Variants in HEXB observed in about 807,000 individuals in gnomAD.
HEXB encodes the protein hexosaminidase subunit beta.
Under a neutral mutation model 71.2 loss-of-function variants are expected in HEXB, and 51 were observed. The observed-to-expected ratio is 0.72, with a 90% CI of 0.57 to 0.90. The LOEUF (loss-of-function observed/expected upper bound fraction) is 0.90. Among genes scored for constraint, HEXB ranks in the 40% least tolerant of loss-of-function variants. The pLI is 0.00. For missense variants in HEXB, 617 were observed against 677.0 expected, an observed-to-expected ratio of 0.91 and a Z score of 0.98; for synonymous variants, 266 against 249.3, an observed-to-expected ratio of 1.07 and a Z score of -0.63.
upstream of HEXB, among the ~76,000 whole-genome samples, chr5:74,682,737 A>T (rs1039833892): frequency 1.3e-5 from 2 of 152,224 alleles, no homozygotes; most frequent in African/African-American, 4.8e-5. Context: ...TGTCTTAATT[A>T]TAAGAATAGG....
intron 1 of HEXB, among the ~76,000 whole-genome samples, chr5:74,661,752 T>C (rs985624366): frequency 6.6e-6 from 1 of 152,182 alleles, no homozygotes; most frequent in African/African-American, 2.4e-5. Flanking sequence ...ATACGTAAAA[T>C]TCCAAACCTA....
chr5:74,720,149 G>C lies in HEXB; in HGVS notation c.1418-279G>C, dbSNP rs189753557. On this transcript the variant is annotated intron_variant, in intron 11 of 13. Transcript: ENST00000261416. Reference sequence around the variant, plus strand: ...GTTTGCATAAAACCAAAATAAAACTGTTTAATACTGGCCCACTACATTAAT... The same window carrying C: ...GTTTGCATAAAACCAAAATAAAACTCTTTAATACTGGCCCACTACATTAAT... 8.2e-4 allele frequency: 366 copies of C among 447,184 alleles called. 1 individual carries two copies. Among genetic ancestry groups the C allele is most frequent in the African/African-American group, 6.6e-3 (332 of 50,344 alleles). The allele number at this position is 447,184 out of a possible 1,614,324, so 27.7% of individuals were successfully genotyped here. A position where few individuals can be genotyped will look rare whatever the true frequency, so the allele number is the denominator to read the frequency against.
chr5:74,659,615 C>G (rs1396246843), intron 1 of HEXB, among the ~76,000 whole-genome samples: 3 of 152,008 alleles, frequency 2.0e-5, no homozygotes, highest in Non-Finnish European at 4.4e-5. Flanking sequence ...TGGGGTGGGC[C>G]TCCAATAGAA....
At chr5:74,715,268 G>A (rs1749642149) in intron 7 of HEXB, among the ~76,000 whole-genome samples, 1 of 152,166 alleles carries the variant, frequency 6.6e-6, no homozygotes, top group Non-Finnish European at 1.5e-5. Flanking sequence ...CTGAAGATTT[G>A]GGAGTTACTA....
chr5:74,701,204 G>A (rs1749253049), intron 5 of HEXB, among the ~76,000 whole-genome samples: 1 of 152,002 alleles, frequency 6.6e-6, no homozygotes, highest in Non-Finnish European at 1.5e-5. Context: ...TAAAGGAGTA[G>A]TATATTTCAA....
chr5:74,674,988 GA>G (rs368044868), intron 1 of HEXB, among the ~76,000 whole-genome samples: 61 of 152,200 alleles, frequency 4.0e-4, no homozygotes, highest in African/African-American at 1.3e-3. Flanking sequence ...TTGTGGTAAA[GA>G]AAAAATTATT....
intron 8 of HEXB, 23 bp downstream of exon 8, chr5:74,715,713 CTT>C: frequency 6.9e-7 from 1 of 1,449,694 alleles, no homozygotes; most frequent in Non-Finnish European, 9.5e-7. Context: ...CTTAAAACCC[CTT>C]TAAAAAAAAA....
Position 74,685,235 on chromosome 5 carries a change from A to G in HEXB, c.-26A>G. The G allele has an allele frequency of 6.7e-7, 1 of 1,487,840 alleles. No homozygotes were observed. Among genetic ancestry groups the G allele is most frequent in the Non-Finnish European group, 8.9e-7 (1 of 1,126,512 alleles). 92.2% of individuals were successfully genotyped at this position (1,487,840 alleles called of 1,614,324 possible). On this transcript the variant is annotated 5_prime_UTR_variant, in exon 1 of 14. Coordinates refer to ENST00000261416, the MANE Select transcript of HEXB (RefSeq NM_000521.4). Reference sequence around the variant, plus strand: ...GGGTCCCGAGGCTCCGGCTCGGCAGACCGGGCGGAAAGCAGCCGAGCGGCC... The same window carrying G: ...GGGTCCCGAGGCTCCGGCTCGGCAGGCCGGGCGGAAAGCAGCCGAGCGGCC...
At chr5:74,720,970 T>C (rs1007327389) in intron 13 of HEXB, 148 bp from the exon 14 acceptor site, 2 of 832,178 alleles carry the variant, frequency 2.4e-6, no homozygotes, top group African/African-American at 3.4e-5. Flanking sequence ...TTGAGTTGCT[T>C]TAATTTTCTT....
chr5:74,648,023 G>C lies in HEXB; in HGVS notation c.-377+7465G>C, dbSNP rs547914247. 4.6e-5 allele frequency among the ~76,000 whole-genome samples: 7 copies of C among 152,300 alleles called. No individual in the cohort carries two copies. The South Asian group carries it at 1.0e-3, about 23-fold the overall frequency. On this transcript the variant is annotated intron_variant, in intron 1 of 13. Coordinates refer to the HEXB transcript ENST00000511181. ...GAAAGACAGAGGTGGTCTAATGGAG[G>C]CCAAGAGAACCCATGTTTAGGCTGA... is the stretch of plus-strand genomic sequence containing the variant.
intron 1 of HEXB, among the ~76,000 whole-genome samples, chr5:74,657,345 A>G (rs2112083654): frequency 6.6e-6 from 1 of 152,150 alleles, no homozygotes; most frequent in South Asian, 2.1e-4. Context: ...TCTGCCTGGA[A>G]CTTTTACCAT....
intron 1 of HEXB, among the ~76,000 whole-genome samples, chr5:74,650,995 G>C (rs189527854): frequency 6.6e-6 from 1 of 151,406 alleles, no homozygotes; most frequent in South Asian, 2.1e-4. Context: ...AGAAGAAATG[G>C]CTTCATCTCT....
intron 5 of HEXB, 31 bp downstream of exon 5, chr5:74,697,137 C>T: frequency 9.8e-7 from 1 of 1,017,700 alleles, no homozygotes. Flanking sequence ...AATCTGTTGT[C>T]TATTCTGAAG....
rs1216541034 is a variant in HEXB at position 74,652,131 on chromosome 5, A to T, written c.-377+11573A>T. On this transcript the variant is annotated intron_variant, in intron 1 of 13. Transcript: ENST00000511181. This position sits in a 1 kb window ranked among gnomAD's most constrained non-coding sequence, Gnocchi z 5.4. Reference sequence around the variant, plus strand: ...AAATGATGAACTCTTTTACGTGAGTAGGTAATACATATGCATGGATCAACC... The same window carrying T: ...AAATGATGAACTCTTTTACGTGAGTTGGTAATACATATGCATGGATCAACC... 6.6e-6 allele frequency among the ~76,000 whole-genome samples: 1 copy of T among 152,226 alleles called. No individual in the cohort carries two copies. The highest frequency in any genetic ancestry group is 2.4e-5 in the African/African-American group (1 of 41,464).
intron 1 of HEXB, among the ~76,000 whole-genome samples, chr5:74,657,738 G>A (rs979893652): frequency 6.6e-6 from 1 of 152,204 alleles, no homozygotes; most frequent in African/African-American, 2.4e-5. Flanking sequence ...TGTTATTTGT[G>A]TAGTCACATG....
intron 1 of HEXB, among the ~76,000 whole-genome samples, chr5:74,660,162 C>T (rs1399185964): frequency 6.6e-6 from 1 of 152,220 alleles, no homozygotes; most frequent in Non-Finnish European, 1.5e-5. Context: ...GCTGGGCTCA[C>T]TCATCTCATG....
At chr5:74,702,019 T>C (rs1749272186) in intron 5 of HEXB, among the ~76,000 whole-genome samples, 1 of 151,744 alleles carries the variant, frequency 6.6e-6, no homozygotes, top group Non-Finnish European at 1.5e-5. Context: ...CGTTTACTTG[T>C]ATGTCTCTTT....
chr5:74,702,950 G>GTT (rs1749297876), intron 5 of HEXB, among the ~76,000 whole-genome samples: 1 of 152,076 alleles, frequency 6.6e-6, no homozygotes, highest in African/African-American at 2.4e-5. Flanking sequence ...TACTTTCCCT[G>GTT]TTTTTTTGTT....
intron 1 of HEXB, among the ~76,000 whole-genome samples, chr5:74,646,234 A>C (rs1747999479): frequency 6.6e-6 from 1 of 152,214 alleles, no homozygotes; most frequent in Non-Finnish European, 1.5e-5. Context: ...TAAACTGCTT[A>C]AGGAGAATGA....
Sources: gnomAD v4.1 joint callset for allele counts (sites outside exome capture counted in the v4.1 genomes callset) on GRCh38, gnomAD v4.1.1 for gene constraint, Gnocchi (gnomAD v3.1) non-coding constraint, MANE v1.5 for transcripts, NCBI Gene and HGNC (gene_info 2026-07-23, HGNC 2026-07-21) for gene names.